Variants in JAK2 observed in about 807,000 individuals in gnomAD.
JAK2 encodes the protein Janus kinase 2, also known as tyrosine-protein kinase JAK2.
Under a neutral mutation model 139.3 loss-of-function variants are expected in JAK2, and 86 were observed. The ratio of observed to expected loss-of-function variants is 0.62; its 90% confidence interval spans 0.52 to 0.74. The LOEUF (loss-of-function observed/expected upper bound fraction) is 0.74. Ranked by LOEUF, JAK2 falls within the 30% of genes least tolerant of loss-of-function variation. JAK2 has a pLI of 0.00. For synonymous variants in JAK2, 490 were observed against 437.7 expected (o/e 1.12, Z -1.49); for missense variants, 1,421 against 1,360.3 (o/e 1.04, Z -0.70).
chr9:4,992,199 G>A (rs1820295264), intron 2 of JAK2, among the ~76,000 whole-genome samples: 1 of 152,204 alleles, frequency 6.6e-6, no homozygotes, highest in South Asian at 2.1e-4. Flanking sequence ...TGACTGGGAT[G>A]TTAGCTGGGC....
At chr9:5,030,404 T>A (rs904904368) in intron 4 of JAK2, among the ~76,000 whole-genome samples, 10 of 152,142 alleles carry the variant, frequency 6.6e-5, no homozygotes, top group Admixed American at 4.6e-4. Context: ...CTAGAAGTAT[T>A]TTTTTGCTCG....
At chr9:5,077,786 A>G (rs930000648) in intron 15 of JAK2, among the ~76,000 whole-genome samples, 5 of 152,236 alleles carry the variant, frequency 3.3e-5, no homozygotes, top group Non-Finnish European at 5.9e-5. Flanking sequence ...TTGTCATCCC[A>G]TCAATATCTT....
At chr9:5,124,111 TC>T (rs1450591170) in intron 23 of JAK2, among the ~76,000 whole-genome samples, 5 of 151,762 alleles carry the variant, frequency 3.3e-5, no homozygotes, top group South Asian at 2.1e-4. Context: ...GGATGGTAGT[TC>T]CTTGTCAGAT....
intron 22 of JAK2, chr9:5,114,747 C>T: frequency 3.0e-6 from 1 of 338,210 alleles, no homozygotes; most frequent in South Asian, 2.5e-5. Flanking sequence ...CTCTGTGGTC[C>T]ATGAGACAGC....
Position 5,077,554 on chromosome 9 carries a change from C to G in JAK2, c.1966C>G (p.Gln656Glu). The G allele has an allele frequency of 6.7e-7, 1 of 1,491,416 alleles. No homozygotes were observed. The highest frequency in any genetic ancestry group is 8.9e-7 in the Non-Finnish European group (1 of 1,121,284). 92.4% of individuals were successfully genotyped at this position (1,491,416 alleles called of 1,614,324 possible). Residue 656 changes from glutamine (Q) to glutamate (E), a missense_variant, in exon 15 of 25, where the codon CAG becomes GAG. Gln to Glu is a conservative substitution (Grantham distance 29). Transcript: ENST00000381652. ...ATTATGGAAACTTGAAGTTGCTAAACAGTTGGCATGGGCCATGCATTTTCT... is the reference window on the plus strand; with the variant it reads ...ATTATGGAAACTTGAAGTTGCTAAAGAGTTGGCATGGGCCATGCATTTTCT... ...NILWKLEVAK[Q>E]LAWAMHFLEE...
intron 12 of JAK2, among the ~76,000 whole-genome samples, chr9:5,072,040 T>C (rs1376975215): frequency 6.6e-6 from 1 of 152,158 alleles, no homozygotes; most frequent in Non-Finnish European, 1.5e-5. Flanking sequence ...ATTTTTCAGA[T>C]GAAGAAACCA....
chr9:5,049,066 A>G (rs1183388936), intron 5 of JAK2, among the ~76,000 whole-genome samples: 2 of 152,184 alleles, frequency 1.3e-5, no homozygotes, highest in African/African-American at 4.8e-5. Flanking sequence ...CATTCTTTAG[A>G]CAATATATAG....
At chr9:4,991,068 C>T (rs1453551148) in intron 2 of JAK2, among the ~76,000 whole-genome samples, 4 of 152,076 alleles carry the variant, frequency 2.6e-5, no homozygotes, top group Non-Finnish European at 5.9e-5. Flanking sequence ...TCTCTGGGTG[C>T]TTTTGTGCTG....
chr9:4,984,854 A>AGCGCTGGCGCCTC (rs1819849502), upstream of JAK2: 2 of 152,214 alleles, frequency 1.3e-5, no homozygotes, highest in Non-Finnish European at 2.9e-5. Flanking sequence ...GCTGGCGCCT[A>AGCGCTGGCGCCTC]GCTCCAGCCG....
Position 5,050,923 on chromosome 9 carries a change from TTTTG to T in JAK2, c.614+94_614+97del. 84 of 1,073,286 alleles carry T rather than the reference TTTTG, an allele frequency of 7.8e-5. 2 individuals are homozygous for T. The highest frequency in any genetic ancestry group is 7.6e-4 in the South Asian group (54 of 70,962). The allele number at this position is 1,073,286 out of a possible 1,614,324, so 66.5% of individuals were successfully genotyped here. On this transcript the variant is annotated intron_variant, in intron 6 of 24. Transcript: ENST00000381652. ...TTCTGTGTTTACCCATGCCTTTTGA[TTTTG>T]TAATACTAGTTAAGTACTCCTTATC...
At chr9:5,108,195 A>T (rs1586810067) in intron 22 of JAK2, 1 of 152,130 alleles carries the variant, frequency 6.6e-6, no homozygotes, top group African/African-American at 2.4e-5. Flanking sequence ...CCCACAAAAA[A>T]GCTCTATATT....
intron 22 of JAK2, chr9:5,110,049 TGAGA>T (rs1012034312): frequency 2.6e-5 from 4 of 152,188 alleles, no homozygotes; most frequent in African/African-American, 9.7e-5. Flanking sequence ...CTCCAACACA[TGAGA>T]GATTCAACAA....
chr9:5,030,995 C>G (rs1412327252), intron 4 of JAK2, among the ~76,000 whole-genome samples: 1 of 152,024 alleles, frequency 6.6e-6, no homozygotes, highest in African/African-American at 2.4e-5. Context: ...TGCAGTGTAG[C>G]TACAAAAACC....
chr9:5,047,830 G>A (rs1054859861), intron 5 of JAK2, among the ~76,000 whole-genome samples: 2 of 151,992 alleles, frequency 1.3e-5, no homozygotes. Flanking sequence ...CAAACACCTG[G>A]CTTCAAATGA....
chr9:5,111,658 G>C (rs1822556033), intron 22 of JAK2: 1 of 402,164 alleles, frequency 2.5e-6, no homozygotes, highest in Non-Finnish European at 4.8e-6. Flanking sequence ...CGTCCCTCCC[G>C]CCCAGCAGCG....
In JAK2 at chr9:5,066,715, A is replaced by T. The variant is rs1388769008; in HGVS notation, c.1252A>T (p.Asn418Tyr). Residue 418 changes from asparagine to tyrosine, a missense_variant, in exon 10 of 25, where the codon AAT becomes TAT. Coordinates refer to ENST00000381652, the MANE Select transcript of JAK2 (RefSeq NM_004972.4). ...FAISKLKKAG[N>Y]QTGLYVLRCS... Reference sequence around the variant, plus strand: ...CATTAGTAAACTGAAGAAAGCAGGTAATCAGACTGGACTGTATGTACTTCG... The same window carrying T: ...CATTAGTAAACTGAAGAAAGCAGGTTATCAGACTGGACTGTATGTACTTCG... The T allele has an allele frequency of 6.2e-7, 1 of 1,610,364 alleles. No homozygotes were observed. Among genetic ancestry groups the T allele is most frequent in the Non-Finnish European group, 8.5e-7 (1 of 1,177,782 alleles).
chr9:5,012,430 ACTCT>A (rs1403508491), intron 2 of JAK2, among the ~76,000 whole-genome samples: 1 of 152,008 alleles, frequency 6.6e-6, no homozygotes. Flanking sequence ...AGTATAAACT[ACTCT>A]CTCATTATCA....
chr9:5,123,112 T>C lies in JAK2; in HGVS notation c.3168T>C (p.Ser1056=), dbSNP rs997101813. ...TCACATACATTGAGAAGAGTAAAAG[T>C]CCACCAGCGGTCAGTGTGCTTTTTA... is the stretch of plus-strand genomic sequence containing the variant. The part of the protein sequence containing the change: ...ELFTYIEKSK[S]PPAEFMRMIG... The change falls in exon 23 of 25, where the codon AGT becomes AGC. Residue 1056 remains serine, a synonymous_variant. Transcript: ENST00000381652. The C allele has an allele frequency of 6.3e-7, 1 of 1,587,806 alleles. No homozygotes were observed. Among genetic ancestry groups the C allele is most frequent in the Admixed American group, 1.8e-5 (1 of 56,884 alleles).
chr9:5,036,870 A>G (rs932598488), intron 4 of JAK2, among the ~76,000 whole-genome samples: 1 of 152,252 alleles, frequency 6.6e-6, no homozygotes, highest in African/African-American at 2.4e-5. Context: ...ATGGGATCTC[A>G]TTAAACCAAA....
Sources: gnomAD v4.1 joint callset for allele counts (sites outside exome capture counted in the v4.1 genomes callset) on GRCh38, gnomAD v4.1.1 for gene constraint, MANE v1.5 for transcripts, NCBI Gene and HGNC (gene_info 2026-07-23, HGNC 2026-07-21) for gene names.